The following ABCB1 variants were observed in gnomAD, a reference collection of about 807,000 sequenced individuals.
ABCB1 encodes the protein ATP-dependent translocase ABCB1.
A neutral mutation model predicts 142.0 loss-of-function variants in ABCB1; 69 were observed. The ratio of observed to expected loss-of-function variants is 0.49; its 90% CI spans 0.40 to 0.59. ABCB1 has a LOEUF of 0.59. Ranked by LOEUF, ABCB1 falls within the 20% of genes least tolerant of loss-of-function variation. ABCB1 has a pLI of 0.00. For missense variants in ABCB1, 1,326 were observed against 1,554.7 expected (o/e 0.85, Z 2.47); for synonymous variants, 532 against 539.2 (o/e 0.99, Z 0.18).
intron 4 of ABCB1, among the ~76,000 whole-genome samples, chr7:87,570,490 T>A (rs763655556): frequency 3.0e-4 from 45 of 152,200 alleles, no homozygotes; most frequent in Non-Finnish European, 5.7e-4. Context: ...AGCAGAAATA[T>A]CAGTGTCCTT....
chr7:87,562,937 A>G (rs1036491484), intron 7 of ABCB1, among the ~76,000 whole-genome samples: 25 of 152,272 alleles, frequency 1.6e-4, no homozygotes, highest in Admixed American at 5.2e-4. Flanking sequence ...CATCTCTACA[A>G]AAAAATTAAA....
At chr7:87,610,964 C>CA (rs1294932952) in intron 1 of ABCB1, among the ~76,000 whole-genome samples, 1 of 152,202 alleles carries the variant, frequency 6.6e-6, no homozygotes, top group Admixed American at 6.5e-5. Flanking sequence ...TCAACAATGA[C>CA]AATAACTGTC....
chr7:87,611,549 G>T (rs1450145923), intron 1 of ABCB1, among the ~76,000 whole-genome samples: 1 of 151,056 alleles, frequency 6.6e-6, no homozygotes, highest in African/African-American at 2.4e-5. Flanking sequence ...CAAAGGACAT[G>T]ATTTTTTTTT....
At chr7:87,631,835 T>A (rs560144008) in intron 1 of ABCB1, among the ~76,000 whole-genome samples, 1 of 152,156 alleles carries the variant, frequency 6.6e-6, no homozygotes, top group Non-Finnish European at 1.5e-5. Context: ...ACCTTTCCAT[T>A]TGTTCATTTT....
In ABCB1 at chr7:87,683,277, G is replaced by C. The variant is rs190557633; in HGVS notation, c.-331+29884C>G. ...AAACTTTCTTCATATCAGCAATAAG[G>C]CTCTTTCACTTCCTTCATGTGTTCA... On this transcript the variant is annotated intron_variant, in intron 1 of 28. Transcript: ENST00000265724. Among the ~76,000 whole-genome samples, 78 of 152,280 alleles carry C rather than the reference G, an allele frequency of 5.1e-4. No individual in the cohort carries two copies. In the East Asian group the frequency reaches 0.014, roughly 27 times the overall value.
intron 1 of ABCB1, among the ~76,000 whole-genome samples, chr7:87,671,333 CCCCTAGAGG>C (rs1007201208): frequency 6.6e-6 from 1 of 152,164 alleles, no homozygotes; most frequent in Non-Finnish European, 1.5e-5. Context: ...CTTTTAGTTT[CCCCTAGAGG>C]CCCTGTCCAG....
intron 4 of ABCB1, among the ~76,000 whole-genome samples, chr7:87,579,505 T>A (rs948279035): frequency 1.3e-5 from 2 of 152,238 alleles, no homozygotes; most frequent in African/African-American, 4.8e-5. Context: ...ATATGACATA[T>A]CACATTGATT....
At chr7:87,710,110 T>A (rs930978732) in intron 1 of ABCB1, among the ~76,000 whole-genome samples, 1 of 152,114 alleles carries the variant, frequency 6.6e-6, no homozygotes, top group African/African-American at 2.4e-5. Flanking sequence ...GTATAAAACC[T>A]CCCACTGAAA....
At chr7:87,572,640 A>G (rs1387007142) in intron 4 of ABCB1, among the ~76,000 whole-genome samples, 1 of 152,200 alleles carries the variant, frequency 6.6e-6, no homozygotes, top group Admixed American at 6.5e-5. Context: ...CACAAAAGCA[A>G]TAAACCTAAA....
At chr7:87,684,746 C>CAAAAAAAAAAAAAAAAAAA (rs71524694) in intron 1 of ABCB1, among the ~76,000 whole-genome samples, 15 of 37,792 alleles carry the variant, frequency 4.0e-4, no homozygotes, top group East Asian at 8.4e-4. Context: ...GACTCCGTCT[C>CAAAAAAAAAAAAAAAAAAA]AAAAAAAAAA....
At chr7:87,527,253 C>T (rs1250836312) in intron 21 of ABCB1, among the ~76,000 whole-genome samples, 1 of 152,118 alleles carries the variant, frequency 6.6e-6, no homozygotes, top group Non-Finnish European at 1.5e-5. Context: ...TGCTTTTCCT[C>T]TAATCATATT....
At chr7:87,675,653 CAAAAAA>C (rs200136132) in intron 1 of ABCB1, among the ~76,000 whole-genome samples, 11 of 65,844 alleles carry the variant, frequency 1.7e-4, no homozygotes, top group South Asian at 5.3e-4. Flanking sequence ...TATTCACATG[CAAAAAA>C]AAAAAAAAAA....
At chr7:87,599,973 G>T in intron 2 of ABCB1, 144 bp downstream of exon 2, 1 of 775,794 alleles carries the variant, frequency 1.3e-6, no homozygotes, top group Non-Finnish European at 2.1e-6. Context: ...CTCTAAGCAG[G>T]GATATTGATT....
At chr7:87,669,426 C>A (rs2130507330) in intron 1 of ABCB1, among the ~76,000 whole-genome samples, 1 of 152,140 alleles carries the variant, frequency 6.6e-6, no homozygotes, top group African/African-American at 2.4e-5. Flanking sequence ...GCTTTTTTAT[C>A]CAGCTTCTCA....
chr7:87,604,424 C>T (rs1819573792), upstream of ABCB1, among the ~76,000 whole-genome samples: 1 of 152,084 alleles, frequency 6.6e-6, no homozygotes, highest in Admixed American at 6.5e-5. Flanking sequence ...ACAATAATAA[C>T]ACAATATTGT....
At chr7:87,583,686 C>G (rs529960324) in intron 4 of ABCB1, among the ~76,000 whole-genome samples, 39 of 152,198 alleles carry the variant, frequency 2.6e-4, no homozygotes, top group African/African-American at 8.4e-4. Flanking sequence ...TGTTTGGGAG[C>G]TCATGCATGC....
chr7:87,525,992 C>T (rs966629380), intron 21 of ABCB1, among the ~76,000 whole-genome samples: 26 of 152,084 alleles, frequency 1.7e-4, no homozygotes, highest in Admixed American at 7.2e-4. Context: ...TGCCAGATTG[C>T]GTAAAGTTAG....
At chr7:87,688,418 G>A (rs545175928) in intron 1 of ABCB1, among the ~76,000 whole-genome samples, 5 of 151,164 alleles carry the variant, frequency 3.3e-5, no homozygotes, top group African/African-American at 9.7e-5. Context: ...TAATTTATAC[G>A]TATTTAGAAA....
At chr7:87,569,262 A>C (rs1303511580) in intron 5 of ABCB1, among the ~76,000 whole-genome samples, 1 of 150,172 alleles carries the variant, frequency 6.7e-6, no homozygotes, top group Non-Finnish European at 1.5e-5. Context: ...GAAGCCAGGA[A>C]TCGAAGGTCG....
Sources: allele counts gnomAD v4.1 joint callset (sites outside exome capture counted in the v4.1 genomes callset), GRCh38; gene constraint gnomAD v4.1.1; transcripts MANE v1.5; gene names NCBI Gene and HGNC (gene_info 2026-07-23, HGNC 2026-07-21).